C1orf94: variants seen among roughly 807,000 people sequenced by gnomAD.
C1orf94 encodes uncharacterized protein C1orf94.
In C1orf94, 45 loss-of-function variants were observed where a neutral mutation model predicts 53.6. That is an observed-to-expected ratio of 0.84 (90% confidence interval 0.66 to 1.08). The LOEUF (loss-of-function observed/expected upper bound fraction) is 1.08, where lower values mean the gene tolerates loss of function less well. Among genes scored for constraint, C1orf94 ranks in the 50% least tolerant of loss-of-function variants. The pLI is 0.00. For synonymous variants in C1orf94, 304 were observed against 296.1 expected (o/e 1.03, Z -0.27); for missense variants, 762 against 738.9 (o/e 1.03, Z -0.36).
intron 6 of C1orf94, 31 bp from the exon 7 acceptor site, chr1:34,218,639 ATAACATTAGGAATCTC>A: frequency 6.8e-7 from 1 of 1,464,332 alleles, no homozygotes; most frequent in Non-Finnish European, 9.4e-7. Flanking sequence ...ATTCTCTCCG[ATAACATTAGGAATCTC>A]ATCATGGCAT....
intron 3 of C1orf94, 68 bp from the exon 4 acceptor site, chr1:34,202,016 T>G: frequency 6.5e-7 from 1 of 1,530,628 alleles, no homozygotes. Context: ...GAAGTTGCGA[T>G]GCTGAAGGTG....
At chr1:34,167,478 CGT>C (rs1404791041) in intron 1 of C1orf94, among the ~76,000 whole-genome samples, 1 of 152,198 alleles carries the variant, frequency 6.6e-6, no homozygotes, top group African/African-American at 2.4e-5. Flanking sequence ...GCAAAAGGAG[CGT>C]TTGTCATCCT....
chr1:34,203,993 T>A (rs1571347243), intron 4 of C1orf94, among the ~76,000 whole-genome samples: 1 of 152,154 alleles, frequency 6.6e-6, no homozygotes, highest in Non-Finnish European at 1.5e-5. Flanking sequence ...GAATTGTATG[T>A]CATTGTATGG....
upstream of C1orf94, among the ~76,000 whole-genome samples, chr1:34,176,578 T>C (rs1642228927): frequency 6.6e-6 from 1 of 152,162 alleles, no homozygotes; most frequent in African/African-American, 2.4e-5. Context: ...TCAGGGGGCC[T>C]TGGACGCAAT....
intron 4 of C1orf94, among the ~76,000 whole-genome samples, chr1:34,203,665 T>C (rs993022814): frequency 1.3e-5 from 2 of 152,146 alleles, no homozygotes; most frequent in South Asian, 2.1e-4. Flanking sequence ...CTTGGGATCA[T>C]AGCTAAAGGA....
intron 1 of C1orf94, among the ~76,000 whole-genome samples, chr1:34,192,065 A>G (rs900891957): frequency 6.6e-6 from 1 of 152,142 alleles, no homozygotes; most frequent in African/African-American, 2.4e-5. Context: ...AACCTCCCTG[A>G]ATGATTCGCT....
intron 6 of C1orf94, among the ~76,000 whole-genome samples, chr1:34,218,242 G>A (rs906706112): frequency 3.3e-5 from 5 of 152,148 alleles, no homozygotes; most frequent in African/African-American, 1.2e-4. Context: ...CTCTGGGATT[G>A]TCCAGCCCCA....
At chr1:34,208,037 G>A (rs916372054) in intron 4 of C1orf94, 120 bp from the exon 5 acceptor site, 3 of 946,124 alleles carry the variant, frequency 3.2e-6, no homozygotes. Flanking sequence ...GACAGCCCAT[G>A]GGTCTGGTCA....
intron 1 of C1orf94, 118 bp downstream of exon 1, chr1:34,178,227 G>A: frequency 9.1e-7 from 1 of 1,093,732 alleles, no homozygotes; most frequent in African/African-American, 1.6e-5. Context: ...GCTGTATATT[G>A]CCCCCTCCAT....
chr1:34,196,755 T>C (rs890975155), intron 1 of C1orf94, among the ~76,000 whole-genome samples: 7 of 152,130 alleles, frequency 4.6e-5, no homozygotes, highest in Non-Finnish European at 1.0e-4. Flanking sequence ...AGTGAGGTGA[T>C]GGGGGCTGCG....
intron 6 of C1orf94, among the ~76,000 whole-genome samples, chr1:34,216,165 C>T (rs1642984096): frequency 6.6e-6 from 1 of 152,046 alleles, no homozygotes; most frequent in Non-Finnish European, 1.5e-5. Flanking sequence ...TAGGTAGGTG[C>T]ATATAGGAGT....
chr1:34,207,696 T>G (rs1642821931), intron 4 of C1orf94, among the ~76,000 whole-genome samples: 1 of 152,216 alleles, frequency 6.6e-6, no homozygotes, highest in African/African-American at 2.4e-5. Context: ...GAGACGTGCA[T>G]AGACACCTTG....
intron 6 of C1orf94, among the ~76,000 whole-genome samples, chr1:34,214,065 A>G (rs573031747): frequency 1.2e-3 from 176 of 152,322 alleles, no homozygotes; most frequent in African/African-American, 4.2e-3. Flanking sequence ...TCTTCCCTTC[A>G]GAGAACTGAG....
chr1:34,194,036 G>T (rs76605976), intron 1 of C1orf94, among the ~76,000 whole-genome samples: 2 of 152,028 alleles, frequency 1.3e-5, no homozygotes, highest in Non-Finnish European at 2.9e-5. Context: ...GGTTGCAGCT[G>T]GGGGGGACAT....
chr1:34,179,796 A>G (rs1407753075), intron 1 of C1orf94, among the ~76,000 whole-genome samples: 1 of 152,200 alleles, frequency 6.6e-6, no homozygotes, highest in African/African-American at 2.4e-5. Context: ...TATGCTCCAT[A>G]TACCTCAAGG....
In C1orf94 at chr1:34,191,140, G is replaced by A. The variant is rs78875316; in HGVS notation, c.321-6085G>A. Among the ~76,000 whole-genome samples, 765 of 152,236 alleles carry A rather than the reference G, an allele frequency of 5.0e-3. 11 individuals carry two copies. The highest frequency in any genetic ancestry group is 0.017 in the African/African-American group (709 of 41,538). On this transcript the variant is annotated intron_variant, in intron 1 of 6. Transcript: ENST00000488417. ...TCCCAAACACTTTTCAAGTCTCCAC[G>A]TCTTACAAATTAGGATGAGAGGGAA...
intron 4 of C1orf94, among the ~76,000 whole-genome samples, chr1:34,204,062 T>C (rs74063794): frequency 0.018 from 2,736 of 152,294 alleles, 75 homozygotes; most frequent in African/African-American, 0.06. Context: ...TGCCCCAGCC[T>C]GGCCCAGCAC....
rs770499000 is a variant in C1orf94 at position 34,200,905 on chromosome 1, G to A, written c.1143G>A (p.Leu381=). 6.2e-7 allele frequency: 1 copy of A among 1,614,184 alleles called. No individual in the cohort carries two copies. Among genetic ancestry groups the A allele is most frequent in the South Asian group, 1.1e-5 (1 of 91,072 alleles). Residue 381 remains leucine, a synonymous_variant, in exon 3 of 7, where the codon CTG becomes CTA. Transcript: ENST00000488417. The part of the protein sequence containing the change: ...CDAVGTASLT[L]PPKKPTCPAE... ...CAGTGGGCACCGCATCACTGACCCT[G>A]CCGCCCAAGAAACCTACATGTCCAG... is the stretch of plus-strand genomic sequence containing the variant.
intron 2 of C1orf94, among the ~76,000 whole-genome samples, chr1:34,200,075 T>C (rs1642674201): frequency 6.6e-6 from 1 of 152,188 alleles, no homozygotes; most frequent in Non-Finnish European, 1.5e-5. Flanking sequence ...CAGGGCACAG[T>C]CTAGCTCTGA....
Sources: allele counts gnomAD v4.1 joint callset (sites outside exome capture counted in the v4.1 genomes callset), GRCh38; gene constraint gnomAD v4.1.1; transcripts MANE v1.5; gene names NCBI Gene and HGNC (gene_info 2026-07-23, HGNC 2026-07-21).